VWF: variants seen among roughly 807,000 people sequenced by gnomAD.
VWF encodes von Willebrand factor.
In VWF, 176 loss-of-function variants were observed where a neutral mutation model predicts 308.6. That is an observed-to-expected ratio of 0.57 (90% CI 0.50 to 0.65). VWF has a LOEUF of 0.65. VWF is among the 30% of genes least tolerant of loss of function. The pLI is 0.00. For synonymous variants in VWF, 1,385 were observed against 1,443.4 expected (o/e 0.96, Z 0.92); for missense variants, 3,146 against 3,648.2 (o/e 0.86, Z 3.55).
chr12:5,964,550 T>A (rs181142388), intron 47 of VWF, among the ~76,000 whole-genome samples: 2 of 152,224 alleles, frequency 1.3e-5, no homozygotes, highest in Non-Finnish European at 2.9e-5. Context: ...GATCCATTCA[T>A]TGGGGTCCTG....
chr12:6,105,194 T>C (rs1183060280), intron 5 of VWF, among the ~76,000 whole-genome samples: 1 of 152,138 alleles, frequency 6.6e-6, no homozygotes, highest in African/African-American at 2.4e-5. Context: ...ACACAATCTG[T>C]GCATGTAACA....
chr12:5,964,111 G>A (rs1016657391), intron 47 of VWF, among the ~76,000 whole-genome samples: 1 of 152,086 alleles, frequency 6.6e-6, no homozygotes, highest in Non-Finnish European at 1.5e-5. Flanking sequence ...CAGCTACTCA[G>A]GAGGCTGAGG....
chr12:5,964,212 G>A (rs1293144284), intron 47 of VWF, among the ~76,000 whole-genome samples: 2 of 112,484 alleles, frequency 1.8e-5, no homozygotes, highest in Non-Finnish European at 3.7e-5. Flanking sequence ...GAGAGACTCT[G>A]TCTAAAAATA....
chr12:6,073,787 G>T, intron 7 of VWF, 46 bp from the exon 8 acceptor site: 1 of 1,612,278 alleles, frequency 6.2e-7, no homozygotes, highest in Non-Finnish European at 8.5e-7. Flanking sequence ...GGTCCCACCG[G>T]TGCATCATCT....
chr12:5,964,234 A>ACATACATACATGCATG (rs1221226987), intron 47 of VWF, among the ~76,000 whole-genome samples: 5 of 144,204 alleles, frequency 3.5e-5, no homozygotes, highest in Middle Eastern at 3.4e-3. Context: ...ATACATACAT[A>ACATACATACATGCATG]CATACATACA....
intron 8 of VWF, 73 bp downstream of exon 8, chr12:6,073,546 C>G: frequency 1.2e-6 from 2 of 1,608,336 alleles, no homozygotes; most frequent in Non-Finnish European, 1.7e-6. Flanking sequence ...CACAAGTGGC[C>G]TTCATCTCAC....
intron 2 of VWF, among the ~76,000 whole-genome samples, chr12:6,122,344 A>G (rs1257670409): frequency 6.6e-6 from 1 of 152,240 alleles, no homozygotes; most frequent in Non-Finnish European, 1.5e-5. Context: ...TTTTAAACAG[A>G]TCAGACTGTG....
At position 6,013,382 on chromosome 12, in the gene VWF, G is replaced by A. The variant is rs1944019358; in HGVS notation, c.5620+99C>T. 36 of 1,452,824 alleles carry A rather than the reference G, an allele frequency of 2.5e-5. No individual in the cohort carries two copies. The South Asian group carries it at 2.9e-4, about 12-fold the overall frequency. The allele number at this position is 1,452,824 out of a possible 1,614,324, so 90.0% of individuals were successfully genotyped here. On this transcript the variant is annotated intron_variant, in intron 32 of 51. Coordinates refer to ENST00000261405, the MANE Select transcript of VWF (RefSeq NM_000552.5). ...TCATTCAAGGCCAAATCTTATGCAT[G>A]GGCACCCTGGGGTCTCTTGAATACT...
rs374538510 is a variant in VWF, at chr12:5,971,587, G to A, written c.7548+12C>T. 14 of 1,607,978 alleles carry A rather than the reference G, an allele frequency of 8.7e-6. No individual in the cohort carries two copies. The highest frequency in any genetic ancestry group is 5.0e-5 in the Admixed American group (3 of 59,994). ...ATCTGCCCTCCTCCCCGTCCCGGGG[G>A]CCTGGACCTACACTCTTCCAGGAAG... On this transcript the variant is annotated intron_variant, in intron 44 of 51. Coordinates refer to ENST00000261405, the MANE Select transcript of VWF (RefSeq NM_000552.5).
intron 6 of VWF, among the ~76,000 whole-genome samples, chr12:6,087,854 G>A (rs1047336679): frequency 6.6e-6 from 1 of 152,066 alleles, no homozygotes; most frequent in Non-Finnish European, 1.5e-5. Context: ...GACAGCTGTC[G>A]GAGGTTGCTG....
chr12:6,022,180 C>T (rs1397947024), intron 26 of VWF, 145 bp from the exon 27 acceptor site: 2 of 1,162,834 alleles, frequency 1.7e-6, no homozygotes, highest in Admixed American at 1.8e-5. Context: ...GTCACCCCAT[C>T]ACTCAAGGAG....
chr12:6,016,431 G>A (rs1944057675), intron 30 of VWF, 85 bp downstream of exon 30: 2 of 1,489,094 alleles, frequency 1.3e-6, no homozygotes, highest in East Asian at 4.8e-5. Flanking sequence ...GGAGCAAAGT[G>A]ACTGGCCGAG....
chr12:6,034,255 T>G (rs1159583755), intron 20 of VWF, among the ~76,000 whole-genome samples: 1 of 152,172 alleles, frequency 6.6e-6, no homozygotes, highest in East Asian at 1.9e-4. Flanking sequence ...GCACAACACC[T>G]GCAGACTGTG....
At chr12:5,950,504 T>C (rs1478214692) in intron 50 of VWF, among the ~76,000 whole-genome samples, 1 of 152,096 alleles carries the variant, frequency 6.6e-6, no homozygotes, top group Non-Finnish European at 1.5e-5. Flanking sequence ...TTCAAAAATT[T>C]AATCCCAGCT....
intron 37 of VWF, among the ~76,000 whole-genome samples, chr12:5,993,057 G>A (rs1943763090): frequency 2.6e-5 from 4 of 152,168 alleles, no homozygotes; most frequent in Admixed American, 2.6e-4. Context: ...CCATCCACCA[G>A]CTGAGCTGGG....
chr12:6,069,923 G>C (rs1944762165), intron 10 of VWF, among the ~76,000 whole-genome samples: 1 of 152,166 alleles, frequency 6.6e-6, no homozygotes, highest in African/African-American at 2.4e-5. Flanking sequence ...GAAGGATGAT[G>C]GACGGAAGAT....
rs749156569 is a variant in VWF at position 6,095,380 on chromosome 12, G to A, written c.657+80C>T. 1.4e-5 allele frequency: 22 copies of A among 1,605,730 alleles called. No individual in the cohort carries two copies. In the African/African-American group the frequency reaches 2.8e-4, roughly 21 times the overall value. ...AGTCCATTCCTCCCCCAGATGGAAG[G>A]ATATGAGACTGAGTCCTTCTGTCTT... On this transcript the variant is annotated intron_variant, in intron 6 of 51. Transcript: ENST00000261405.
intron 47 of VWF, among the ~76,000 whole-genome samples, chr12:5,964,300 A>ATACATACATGCATACATACAT (rs1267334614): frequency 1.3e-5 from 2 of 151,958 alleles, no homozygotes; most frequent in Admixed American, 6.6e-5. Flanking sequence ...ACATACATAC[A>ATACATACATGCATACATACAT]AAAAGCTACC....
chr12:6,047,686 G>A (rs1415355434), intron 16 of VWF, among the ~76,000 whole-genome samples: 1 of 152,226 alleles, frequency 6.6e-6, no homozygotes, highest in Non-Finnish European at 1.5e-5. Flanking sequence ...TGTATGTTTA[G>A]TTTGTATAAA....
Sources: allele counts gnomAD v4.1 joint callset (sites outside exome capture counted in the v4.1 genomes callset), GRCh38; gene constraint gnomAD v4.1.1; transcripts MANE v1.5; gene names NCBI Gene and HGNC (gene_info 2026-07-23, HGNC 2026-07-21).